Variants in BCAS3 observed in about 807,000 individuals in gnomAD.
The protein encoded by BCAS3 is BCAS4/BCAS3 fusion.
In BCAS3, 53 loss-of-function variants were observed where a neutral mutation model predicts 116.1. The observed-to-expected ratio is 0.46, with a 90% confidence interval of 0.37 to 0.57. The LOEUF is 0.57. Ranked by LOEUF, BCAS3 falls within the 20% of genes least tolerant of loss-of-function variation. The pLI is 0.00. For synonymous variants in BCAS3, 391 were observed against 408.2 expected (o/e 0.96, Z 0.51); for missense variants, 917 against 1,165.4 (o/e 0.79, Z 3.10).
intron 7 of BCAS3, among the ~76,000 whole-genome samples, chr17:60,808,387 A>G (rs1162068440): frequency 3.9e-5 from 6 of 152,230 alleles, no homozygotes; most frequent in African/African-American, 1.4e-4. Context: ...GCTGCAAGGA[A>G]AGCTAGGAAT....
intron 14 of BCAS3, among the ~76,000 whole-genome samples, chr17:60,950,942 C>G (rs189956830): frequency 7.9e-5 from 12 of 152,240 alleles, no homozygotes; most frequent in Non-Finnish European, 1.5e-4. Flanking sequence ...TTAGAGTGAC[C>G]TTCTTGCGTT....
Position 61,074,856 on chromosome 17 carries a change from G to A in BCAS3, c.2030-64G>A. On this transcript the variant is annotated intron_variant, in intron 19 of 23. Transcript: ENST00000407086. ...TTACCATAGTATCCAAAATGGTTGT[G>A]CCCACGTCTGTTTTTCCACTGCATG... The A allele has an allele frequency of 3.6e-6, 4 of 1,103,890 alleles. No individual in the cohort carries two copies. In the South Asian group the frequency reaches 6.0e-5, roughly 17 times the overall value. The allele number at this position is 1,103,890 out of a possible 1,614,324, so 68.4% of individuals were successfully genotyped here. A position where few individuals can be genotyped will look rare whatever the true frequency, so the allele number is the denominator to read the frequency against.
rs932135546 is a variant in BCAS3 at position 61,203,087 on chromosome 17, T to G, written c.2425+118523T>G. Reference sequence around the variant, plus strand: ...AAAATTATTTAAGTTACATTAAATTTTATTTATTTATGTGTAGCTCCTAGA... The same window carrying G: ...AAAATTATTTAAGTTACATTAAATTGTATTTATTTATGTGTAGCTCCTAGA... On this transcript the variant is annotated intron_variant, in intron 22 of 23. Coordinates refer to ENST00000407086, the MANE Select transcript of BCAS3 (RefSeq NM_017679.5). This position sits in a 1 kb window ranked among gnomAD's most constrained non-coding sequence, Gnocchi z 5.7. Among the ~76,000 whole-genome samples, 2 of 152,204 alleles carry G rather than the reference T, an allele frequency of 1.3e-5. No homozygotes were observed. Among genetic ancestry groups the G allele is most frequent in the South Asian group, 2.1e-4 (1 of 4,828 alleles).
chr17:61,009,723 C>G (rs1387539425), intron 15 of BCAS3, among the ~76,000 whole-genome samples: 1 of 151,894 alleles, frequency 6.6e-6, no homozygotes, highest in Non-Finnish European at 1.5e-5. Flanking sequence ...TTAACATAAT[C>G]TGAAATGTTC....
intron 6 of BCAS3, among the ~76,000 whole-genome samples, chr17:60,763,334 G>C (rs965517372): frequency 6.6e-6 from 1 of 152,180 alleles, no homozygotes; most frequent in Non-Finnish European, 1.5e-5. Flanking sequence ...CTGTGGGTTT[G>C]TCTTAAATGG....
intron 10 of BCAS3, chr17:60,891,680 G>T: frequency 2.2e-6 from 1 of 455,804 alleles, no homozygotes; most frequent in Non-Finnish European, 4.4e-6. Context: ...GATTCACAGG[G>T]TACACGTGCA....
rs80171058 is a variant in BCAS3 at position 61,160,765 on chromosome 17, G to A, written c.2425+76201G>A. 7.7e-3 allele frequency among the ~76,000 whole-genome samples: 1,173 copies of A among 152,144 alleles called. 57 individuals carry two copies. Among genetic ancestry groups the A allele is most frequent in the Admixed American group, 0.058 (890 of 15,290 alleles). On this transcript the variant is annotated intron_variant, in intron 22 of 23. Coordinates refer to ENST00000407086, the MANE Select transcript of BCAS3 (RefSeq NM_017679.5). ...CTAGTTAAAACTGTGACCTTGAAGC[G>A]GGGGTTGGGTAAGGAAGGCCCTACT... is the stretch of plus-strand genomic sequence containing the variant.
chr17:61,166,961 G>T (rs2078543372), intron 22 of BCAS3, among the ~76,000 whole-genome samples: 1 of 152,062 alleles, frequency 6.6e-6, no homozygotes, highest in African/African-American at 2.4e-5. Context: ...GACCCAGGCT[G>T]GTCTCCAACT....
rs890914070 is a variant in BCAS3, at chr17:61,204,590, A to G, written c.2425+120026A>G. On this transcript the variant is annotated intron_variant, in intron 22 of 23. Transcript: ENST00000407086. The surrounding 1 kb of genome is among the most constrained non-coding windows in gnomAD (Gnocchi z 4.2). ...TAAAAACAGAATTTATAGCCCCTTT[A>G]TTAAATATTTCTAGAATATAATTGC... Among the ~76,000 whole-genome samples, 1 of 152,194 alleles carries G rather than the reference A, an allele frequency of 6.6e-6. No individual in the cohort carries two copies. Among genetic ancestry groups the G allele is most frequent in the Non-Finnish European group, 1.5e-5 (1 of 68,022 alleles).
Position 61,106,848 on chromosome 17 carries a change from A to G in BCAS3, c.2425+22284A>G, listed in dbSNP as rs1173534189. On this transcript the variant is annotated intron_variant, in intron 22 of 23. Coordinates refer to ENST00000407086, the MANE Select transcript of BCAS3 (RefSeq NM_017679.5). This position sits in a 1 kb window ranked among gnomAD's most constrained non-coding sequence, Gnocchi z 4.2. ...TTTTTACCATACTAATTTAGAATAA[A>G]TAAATTCCTATATATAAATCTTTGT... 6.6e-6 allele frequency among the ~76,000 whole-genome samples: 1 copy of G among 152,198 alleles called. No homozygotes were observed. The highest frequency in any genetic ancestry group is 1.5e-5 in the Non-Finnish European group (1 of 68,038).
chr17:60,742,026 A>G (rs1166786681), intron 5 of BCAS3, among the ~76,000 whole-genome samples: 1 of 152,116 alleles, frequency 6.6e-6, no homozygotes, highest in African/African-American at 2.4e-5. Context: ...GGGATTTGGG[A>G]TGTTATTATA....
Position 61,333,692 on chromosome 17 carries a change from C to T in BCAS3, c.2426-34635C>T, listed in dbSNP as rs1378687112. ...CTGGAGTGCAGTGGTGCGATCTCGG[C>T]TCACTGCAACCTCTGCCTCCCAGGT... On this transcript the variant is annotated intron_variant, in intron 22 of 23. Coordinates refer to ENST00000407086, the MANE Select transcript of BCAS3 (RefSeq NM_017679.5). The surrounding 1 kb of genome is among the most constrained non-coding windows in gnomAD (Gnocchi z 4.8). Among the ~76,000 whole-genome samples the T allele has an allele frequency of 6.6e-6, 1 of 151,072 alleles. No individual in the cohort carries two copies. Among genetic ancestry groups the T allele is most frequent in the African/African-American group, 2.4e-5 (1 of 40,932 alleles).
intron 14 of BCAS3, among the ~76,000 whole-genome samples, chr17:60,955,680 G>A (rs1005102759): frequency 6.6e-6 from 1 of 152,046 alleles, no homozygotes; most frequent in South Asian, 2.1e-4. Context: ...CACCGTGCCC[G>A]GCTGGAGACT....
At chr17:60,918,691 ATTT>A (rs1161722822) in intron 12 of BCAS3, among the ~76,000 whole-genome samples, 4 of 127,782 alleles carry the variant, frequency 3.1e-5, no homozygotes, top group Non-Finnish European at 3.3e-5. Flanking sequence ...AAGCTTCTCA[ATTT>A]TTTTTTTTTT....
At position 61,128,208 on chromosome 17, in the gene BCAS3, A is replaced by T; in HGVS notation, c.2425+43644A>T. 4 of 985,482 alleles carry T rather than the reference A, an allele frequency of 4.1e-6. No individual in the cohort carries two copies. Among genetic ancestry groups the T allele is most frequent in the Non-Finnish European group, 4.8e-6 (4 of 829,936 alleles). The allele number at this position is 985,482 out of a possible 1,614,324, so 61.0% of individuals were successfully genotyped here. Reference sequence around the variant, plus strand: ...CTTCCACCAGGAATAGTGTGAGTCAAGGATGAGTACATGAAGATGAAGCCC... The same window carrying T: ...CTTCCACCAGGAATAGTGTGAGTCATGGATGAGTACATGAAGATGAAGCCC... On this transcript the variant is annotated intron_variant, in intron 22 of 23. Transcript: ENST00000407086. This position sits in a 1 kb window ranked among gnomAD's most constrained non-coding sequence, Gnocchi z 4.1.
rs1161678395 is a variant in BCAS3 at position 61,134,840 on chromosome 17, G to A, written c.2425+50276G>A. On this transcript the variant is annotated intron_variant, in intron 22 of 23. Transcript: ENST00000407086. This position sits in a 1 kb window ranked among gnomAD's most constrained non-coding sequence, Gnocchi z 4.6. ...CAGCCACATCAAAGATCCAAAACAC[G>A]GGTTTTAAGATTTCAAATGGTTAAT... Among the ~76,000 whole-genome samples, 2 of 151,862 alleles carry A rather than the reference G, an allele frequency of 1.3e-5. No homozygotes were observed. Among genetic ancestry groups the A allele is most frequent in the South Asian group, 2.1e-4 (1 of 4,816 alleles).
chr17:60,870,149 G>A (rs558169564), intron 8 of BCAS3, among the ~76,000 whole-genome samples: 10 of 152,244 alleles, frequency 6.6e-5, no homozygotes, highest in South Asian at 4.1e-4. Flanking sequence ...TCCAGAAACC[G>A]TACGTATCAA....
intron 22 of BCAS3, among the ~76,000 whole-genome samples, chr17:61,102,240 T>C (rs1378698865): frequency 6.6e-6 from 1 of 152,154 alleles, no homozygotes; most frequent in Non-Finnish European, 1.5e-5. Flanking sequence ...AAGAAACCTA[T>C]TTGGAGAGGT....
At chr17:60,922,608 A>G (rs2059163601) in intron 12 of BCAS3, among the ~76,000 whole-genome samples, 1 of 152,192 alleles carries the variant, frequency 6.6e-6, no homozygotes, top group African/African-American at 2.4e-5. Context: ...CATGATTAAC[A>G]CTATTTTCTA....
Sources: allele counts gnomAD v4.1 joint callset (sites outside exome capture counted in the v4.1 genomes callset), GRCh38; gene constraint gnomAD v4.1.1; non-coding constraint Gnocchi (gnomAD v3.1); transcripts MANE v1.5; gene names NCBI Gene and HGNC (gene_info 2026-07-23, HGNC 2026-07-21).